Variants in RNLS observed in about 807,000 individuals in gnomAD.
The protein encoded by RNLS is renalase.
Under a neutral mutation model 39.8 loss-of-function variants are expected in RNLS, and 39 were observed. That is an observed-to-expected ratio of 0.98 (90% CI 0.76 to 1.28). RNLS has a LOEUF of 1.28. Among genes scored for constraint, RNLS ranks in the 50% most tolerant of loss-of-function variants. RNLS has a pLI of 0.00. For synonymous variants in RNLS, 147 were observed against 150.7 expected (o/e 0.98, Z 0.18); for missense variants, 410 against 413.3 (o/e 0.99, Z 0.07).
At chr10:88,491,425 T>C (rs1242907121) in intron 4 of RNLS, among the ~76,000 whole-genome samples, 1 of 152,178 alleles carries the variant, frequency 6.6e-6, no homozygotes, top group East Asian at 1.9e-4. Context: ...AGGGAGCTTC[T>C]AAATGCCTTG....
At chr10:88,364,506 C>G (rs937560394) in intron 4 of RNLS, among the ~76,000 whole-genome samples, 2 of 152,104 alleles carry the variant, frequency 1.3e-5, no homozygotes, top group Non-Finnish European at 2.9e-5. Flanking sequence ...TACAAAGCTT[C>G]CAGATTGCGT....
At chr10:88,372,568 T>C (rs1850652657) in intron 4 of RNLS, among the ~76,000 whole-genome samples, 1 of 152,142 alleles carries the variant, frequency 6.6e-6, no homozygotes, top group Admixed American at 6.6e-5. Context: ...GTTCTAAGCA[T>C]GGGATTAGAA....
chr10:88,449,792 A>G (rs921969815), intron 4 of RNLS, among the ~76,000 whole-genome samples: 2 of 152,160 alleles, frequency 1.3e-5, no homozygotes, highest in South Asian at 2.1e-4. Flanking sequence ...ATAGCAAAAT[A>G]TTATAAAATA....
intron 4 of RNLS, among the ~76,000 whole-genome samples, chr10:88,402,808 G>C (rs552354743): frequency 3.9e-5 from 6 of 152,124 alleles, no homozygotes; most frequent in African/African-American, 1.2e-4. Flanking sequence ...TTACGAATGA[G>C]ATATTGACAA....
chr10:88,485,387 A>G (rs1053083713), intron 4 of RNLS, among the ~76,000 whole-genome samples: 1 of 151,972 alleles, frequency 6.6e-6, no homozygotes, highest in South Asian at 2.1e-4. Flanking sequence ...TTGTTCTGGA[A>G]CAACTGGATA....
chr10:88,346,075 T>C (rs1848279185), intron 5 of RNLS, among the ~76,000 whole-genome samples: 1 of 152,172 alleles, frequency 6.6e-6, no homozygotes. Flanking sequence ...TAGCATTTCA[T>C]TTTAATATCA....
intron 4 of RNLS, among the ~76,000 whole-genome samples, chr10:88,448,545 G>C (rs1452437894): frequency 6.6e-6 from 1 of 152,220 alleles, no homozygotes; most frequent in African/African-American, 2.4e-5. Context: ...CTTTTACACT[G>C]TTGGTGGGAC....
the RNLS span, among the ~76,000 whole-genome samples, chr10:88,194,261 C>G: frequency 2.0e-5 from 3 of 152,222 alleles, no homozygotes; most frequent in African/African-American, 7.2e-5. Flanking sequence ...GCTGTCTCCA[C>G]CCACCAGATG....
chr10:88,285,449 G>A lies in RNLS; in HGVS notation c.934C>T (p.Leu312Phe), dbSNP rs1331563324. ...GQMTLHHKPF[L>F]ACGGDGFTQS... is the part of the protein sequence containing the mutation. ...GTAAATCCATCCCCTCCACATGCAA[G>A]GAAAGGTTTGTGATGCAGAGTCATT... Residue 312 changes from leucine to phenylalanine, a missense_variant, in exon 7 of 7, where the codon CTT becomes TTT. Coordinates refer to ENST00000331772, the MANE Select transcript of RNLS (RefSeq NM_001031709.3). 6.2e-7 allele frequency: 1 copy of A among 1,613,248 alleles called. No homozygotes were observed. The highest frequency in any genetic ancestry group is 1.7e-5 in the Admixed American group (1 of 59,904).
chr10:88,261,958 G>A, the RNLS span, among the ~76,000 whole-genome samples: 2 of 152,156 alleles, frequency 1.3e-5, no homozygotes, highest in East Asian at 1.9e-4. Context: ...AGCTTCACTG[G>A]GAAGGTGACA....
chr10:88,345,047 T>C (rs189002834), intron 5 of RNLS, among the ~76,000 whole-genome samples: 15 of 152,230 alleles, frequency 9.9e-5, no homozygotes, highest in South Asian at 8.3e-4. Flanking sequence ...TTAGAGGGCA[T>C]ATAAAAGCCT....
intron 1 of RNLS, among the ~76,000 whole-genome samples, chr10:88,582,805 G>A (rs897911937): frequency 2.0e-5 from 3 of 152,178 alleles, no homozygotes; most frequent in Non-Finnish European, 2.9e-5. Flanking sequence ...GCTGTCTCAG[G>A]TCTCCCTCTG....
At chr10:88,399,781 G>A (rs1388611884) in intron 4 of RNLS, among the ~76,000 whole-genome samples, 1 of 151,976 alleles carries the variant, frequency 6.6e-6, no homozygotes, top group Non-Finnish European at 1.5e-5. Context: ...ACAATGGGTT[G>A]GTATTAGCTC....
At chr10:88,256,815 G>A in the RNLS span, among the ~76,000 whole-genome samples, 1 of 152,192 alleles carries the variant, frequency 6.6e-6, no homozygotes, top group Non-Finnish European at 1.5e-5. Flanking sequence ...TTATTCAAAC[G>A]TCAACCATTC....
At chr10:88,577,128 G>A (rs141263451) in intron 3 of RNLS, among the ~76,000 whole-genome samples, 3 of 152,202 alleles carry the variant, frequency 2.0e-5, no homozygotes, top group Non-Finnish European at 2.9e-5. Flanking sequence ...GAACTAAGGT[G>A]GTATTACTCT....
At chr10:88,397,494 G>T (rs2133616015) in intron 4 of RNLS, among the ~76,000 whole-genome samples, 1 of 151,954 alleles carries the variant, frequency 6.6e-6, no homozygotes, top group African/African-American at 2.4e-5. Flanking sequence ...AAATTTGTAG[G>T]TGTAAATGCT....
intron 4 of RNLS, among the ~76,000 whole-genome samples, chr10:88,386,600 A>T (rs1204797875): frequency 2.0e-5 from 3 of 152,230 alleles, no homozygotes; most frequent in African/African-American, 7.2e-5. Context: ...CTGTGTTAAG[A>T]GAATCCTCAC....
intron 4 of RNLS, among the ~76,000 whole-genome samples, chr10:88,470,436 G>T (rs1458625280): frequency 6.6e-6 from 1 of 152,096 alleles, no homozygotes; most frequent in Non-Finnish European, 1.5e-5. Context: ...CCCTGCATGA[G>T]GGCAGCCAAG....
In RNLS at chr10:88,395,344, G is replaced by A. The variant is rs188615761; in HGVS notation, c.527-32619C>T. Among the ~76,000 whole-genome samples the A allele has an allele frequency of 5.5e-4, 83 of 151,438 alleles. 1 individual carries two copies. The highest frequency in any genetic ancestry group is 5.3e-3 in the Admixed American group (81 of 15,200). On this transcript the variant is annotated intron_variant, in intron 4 of 6. Transcript: ENST00000331772. ...CAAAGAATTAAAGAAAACTATGTCC[G>A]AGGAACTAAAGACAAGCATGAGAAT...
Sources: allele counts gnomAD v4.1 joint callset (sites outside exome capture counted in the v4.1 genomes callset), GRCh38; gene constraint gnomAD v4.1.1; transcripts MANE v1.5; gene names NCBI Gene and HGNC (gene_info 2026-07-23, HGNC 2026-07-21).